UTP6: variants seen among roughly 807,000 people sequenced by gnomAD.
The protein encoded by UTP6 is U3 small nucleolar RNA-associated protein 6 homolog.
Under a neutral mutation model 96.5 loss-of-function variants are expected in UTP6, and 60 were observed. The observed-to-expected ratio is 0.62, with a 90% CI of 0.51 to 0.77. The LOEUF is 0.77. UTP6 is among the 30% of genes least tolerant of loss of function. UTP6 has a pLI of 0.00. For synonymous variants in UTP6, 215 were observed against 240.1 expected (o/e 0.90, Z 0.96); for missense variants, 637 against 706.5 (o/e 0.90, Z 1.12).
chr17:31,896,370 G>A (rs1165960940), intron 2 of UTP6, among the ~76,000 whole-genome samples: 5 of 152,042 alleles, frequency 3.3e-5, no homozygotes, highest in South Asian at 2.1e-4. Context: ...GAGCTACCGC[G>A]CTCGGCCCCT....
At position 31,880,655 on chromosome 17, in the gene UTP6, T is replaced by C; in HGVS notation, c.885A>G (p.Lys295=). The change falls in exon 11 of 19, where the codon AAA becomes AAG. Residue 295 remains lysine, a synonymous_variant. Coordinates refer to ENST00000261708, the MANE Select transcript of UTP6 (RefSeq NM_018428.3). ...ESQTEEQPTT[K]QAKAVEVGRK... is the part of the protein sequence containing the mutation. ...GGCCGACCTCCACTGCTTTGGCTTG[T>C]TTCGTTGTAGGCTGCTCTTCTGTCT... is the stretch of plus-strand genomic sequence containing the variant. 6.2e-7 allele frequency: 1 copy of C among 1,614,128 alleles called. No individual in the cohort carries two copies. Among genetic ancestry groups the C allele is most frequent in the Non-Finnish European group, 8.5e-7 (1 of 1,180,016 alleles).
chr17:31,863,904 T>C (rs1172187638), intron 18 of UTP6, among the ~76,000 whole-genome samples: 1 of 152,154 alleles, frequency 6.6e-6, no homozygotes, highest in Non-Finnish European at 1.5e-5. Flanking sequence ...TTTCACTATA[T>C]TGCCCAGGCT....
At chr17:31,870,987 GTTTT>G (rs58931819) in intron 16 of UTP6, among the ~76,000 whole-genome samples, 9 of 111,074 alleles carry the variant, frequency 8.1e-5, no homozygotes, top group Non-Finnish European at 7.5e-5. Flanking sequence ...AACTTTTTAA[GTTTT>G]TTTTTTTTTT....
rs865807343 is a variant in UTP6, at chr17:31,880,701, C to A, written c.839G>T (p.Arg280Leu). 6.2e-7 allele frequency: 1 copy of A among 1,614,142 alleles called. No individual in the cohort carries two copies. Among genetic ancestry groups the A allele is most frequent in the Middle Eastern group, 1.6e-4 (1 of 6,062 alleles). ...DPLTWDYVAR[R>L]ELEIESQTEE... Reference sequence around the variant, plus strand: ...TGTCTGTGACTCAATCTCTAATTCTCGCCTTGCCACATAATCCCAAGTGAG... The same window carrying A: ...TGTCTGTGACTCAATCTCTAATTCTAGCCTTGCCACATAATCCCAAGTGAG... The change falls in exon 11 of 19, where the codon CGA becomes CTA. Residue 280 changes from arginine to leucine, a missense_variant. By Grantham distance (102) the Arg-to-Leu change is moderately radical. Transcript: ENST00000261708.
intron 1 of UTP6, among the ~76,000 whole-genome samples, chr17:31,901,102 C>T (rs1451148959): frequency 6.6e-6 from 1 of 152,170 alleles, no homozygotes; most frequent in Non-Finnish European, 1.5e-5. Context: ...TGGTCCCCAC[C>T]TTCAAGTCTA....
intron 8 of UTP6, among the ~76,000 whole-genome samples, chr17:31,886,333 T>C (rs1241993665): frequency 1.3e-5 from 2 of 152,188 alleles, no homozygotes; most frequent in African/African-American, 2.4e-5. Context: ...AGATTTTACA[T>C]GTCTTGTTTG....
intron 13 of UTP6, among the ~76,000 whole-genome samples, chr17:31,876,622 C>T (rs1461360125): frequency 6.6e-6 from 1 of 150,564 alleles, no homozygotes; most frequent in African/African-American, 2.4e-5. Context: ...CCAGCCTGGG[C>T]AACAAGAGCG....
chr17:31,872,863 G>A (rs1598098345), intron 16 of UTP6, among the ~76,000 whole-genome samples: 1 of 148,618 alleles, frequency 6.7e-6, no homozygotes, highest in East Asian at 1.9e-4. Context: ...CGGGCGTGGT[G>A]TCACACATCT....
chr17:31,871,225 C>G (rs7210082), intron 16 of UTP6, among the ~76,000 whole-genome samples: 119,419 of 151,246 alleles, frequency 0.79, 47,599 homozygotes, highest in Non-Finnish European at 0.85. Flanking sequence ...AACTCCTGAC[C>G]TTGTGATCCG....
chr17:31,864,325 T>C (rs1015944027), intron 18 of UTP6, among the ~76,000 whole-genome samples: 5 of 152,152 alleles, frequency 3.3e-5, no homozygotes, highest in African/African-American at 1.2e-4. Context: ...AGGCAGAGAT[T>C]GCAGTGAGGC....
chr17:31,879,029 T>A (rs544322801), intron 11 of UTP6, among the ~76,000 whole-genome samples: 1 of 152,268 alleles, frequency 6.6e-6, no homozygotes, highest in Non-Finnish European at 1.5e-5. Context: ...TTGAAAGCCT[T>A]ATCCAGGTTA....
intron 7 of UTP6, 64 bp downstream of exon 7, chr17:31,889,221 A>G: frequency 7.7e-7 from 1 of 1,298,250 alleles, no homozygotes; most frequent in Non-Finnish European, 1.1e-6. Context: ...CAGGAAAAAA[A>G]AATATGTCTC....
At chr17:31,880,507 G>A (rs745667805) in intron 11 of UTP6, 66 bp downstream of exon 11, 8 of 1,601,058 alleles carry the variant, frequency 5.0e-6, no homozygotes, top group East Asian at 4.5e-5. Flanking sequence ...ATGGGAACAG[G>A]AGCTTAAGTT....
At position 31,865,375 on chromosome 17, in the gene UTP6, C is replaced by T. The variant is rs757031414; in HGVS notation, c.1627G>A (p.Ala543Thr). Residue 543 changes from alanine to threonine, a missense_variant, in exon 18 of 19, where the codon GCA becomes ACA. By Grantham distance (58) the Ala-to-Thr change is moderately conservative. Transcript: ENST00000261708. ...YERALREFGS[A>T]DSDLWMDYMK... ...TTAAGGGTTTACTTACCAGAATCTG[C>T]GGATCCAAACTCTCTCAAAGCTCTC... 81 of 1,613,682 alleles carry T rather than the reference C, an allele frequency of 5.0e-5. No homozygotes were observed. The Admixed American group carries it at 1.0e-3, about 21-fold the overall frequency.
chr17:31,881,268 T>C (rs1012735050), intron 10 of UTP6, among the ~76,000 whole-genome samples: 2 of 110,778 alleles, frequency 1.8e-5, no homozygotes, highest in East Asian at 2.2e-4. Flanking sequence ...ACTTTTTCAC[T>C]TTTTTTTTTT....
At chr17:31,883,051 C>T (rs1393428430) in intron 10 of UTP6, among the ~76,000 whole-genome samples, 1 of 151,992 alleles carries the variant, frequency 6.6e-6, no homozygotes, top group East Asian at 1.9e-4. Flanking sequence ...ATAAAATTAC[C>T]AGCCAGGTGT....
At chr17:31,870,782 CA>C (rs199722007) in intron 16 of UTP6, among the ~76,000 whole-genome samples, 2,518 of 151,498 alleles carry the variant, frequency 0.017, 35 homozygotes, top group Middle Eastern at 0.031. Context: ...CTCGACCTCC[CA>C]AAGTGCTGGG....
chr17:31,901,065 T>C (rs892681661), intron 1 of UTP6, among the ~76,000 whole-genome samples: 1 of 152,196 alleles, frequency 6.6e-6, no homozygotes, highest in African/African-American at 2.4e-5. Flanking sequence ...AGTTAGGCTC[T>C]GGAGTAGCAT....
intron 10 of UTP6, among the ~76,000 whole-genome samples, chr17:31,883,988 G>A (rs992297272): frequency 2.1e-5 from 3 of 144,504 alleles, no homozygotes; most frequent in South Asian, 2.2e-4. Flanking sequence ...TTTTTTTAAC[G>A]TAATATGATA....
Sources: allele counts gnomAD v4.1 joint callset (sites outside exome capture counted in the v4.1 genomes callset), GRCh38; gene constraint gnomAD v4.1.1; transcripts MANE v1.5; gene names NCBI Gene and HGNC (gene_info 2026-07-23, HGNC 2026-07-21).